YES1: variants seen among roughly 807,000 people sequenced by gnomAD.
The protein encoded by YES1 is YES proto-oncogene 1, Src family tyrosine kinase.
In YES1, 39 loss-of-function variants were observed where a neutral mutation model predicts 70.4. That is an observed-to-expected ratio of 0.55 (90% CI 0.43 to 0.72). The LOEUF (loss-of-function observed/expected upper bound fraction) is 0.72. Among genes scored for constraint, YES1 ranks in the 30% least tolerant of loss-of-function variants. The pLI is 0.00. For synonymous variants in YES1, 198 were observed against 218.6 expected (o/e 0.91, Z 0.83); for missense variants, 495 against 644.8 (o/e 0.77, Z 2.52).
intron 9 of YES1, chr18:738,548 G>C (rs749556561): frequency 6.6e-6 from 1 of 151,874 alleles, no homozygotes; most frequent in Admixed American, 6.6e-5. Flanking sequence ...AGATTGGCTG[G>C]GGGTGGTGGT....
Position 724,581 on chromosome 18 carries a change from G to T in YES1, c.1475C>A (p.Pro492Gln), listed in dbSNP as rs750831029. The change falls in exon 12 of 12, where the codon CCG (proline) becomes CAG (glutamine). Residue 492 changes from proline to glutamine, a missense_variant. By Grantham distance (76) the Pro-to-Gln change is moderately conservative. Transcript: ENST00000314574. ...GGATTCTGGACAGCCCTGAGGGCAC[G>T]GCATCCTGTATCCTCGCTCCACTTG... ...LEQVERGYRM[P>Q]CPQGCPESLH... 42 of 1,613,970 alleles carry T rather than the reference G, an allele frequency of 2.6e-5. No homozygotes were observed. The highest frequency in any genetic ancestry group is 3.5e-5 in the Non-Finnish European group (41 of 1,180,012).
intron 1 of YES1, among the ~76,000 whole-genome samples, chr18:772,502 G>A (rs541317054): frequency 1.3e-5 from 2 of 151,198 alleles, no homozygotes; most frequent in East Asian, 2.0e-4. Flanking sequence ...GTGCGATCTC[G>A]GCTCACTGCA....
intron 11 of YES1, among the ~76,000 whole-genome samples, chr18:731,082 A>T (rs2145673277): frequency 6.6e-6 from 1 of 152,306 alleles, no homozygotes; most frequent in Non-Finnish European, 1.5e-5. Context: ...TAGCATCAAG[A>T]AATTGCTAGG....
intron 1 of YES1, among the ~76,000 whole-genome samples, chr18:769,153 G>C (rs907876705): frequency 3.9e-5 from 6 of 152,168 alleles, no homozygotes; most frequent in African/African-American, 1.4e-4. Flanking sequence ...TACCATCTAG[G>C]TTTATGTAAG....
At chr18:778,907 AAAG>A (rs1300435873) in intron 1 of YES1, among the ~76,000 whole-genome samples, 1 of 152,222 alleles carries the variant, frequency 6.6e-6, no homozygotes, top group Non-Finnish European at 1.5e-5. Flanking sequence ...TCGAAGGAGA[AAAG>A]AAATGTTAGC....
intron 1 of YES1, among the ~76,000 whole-genome samples, chr18:772,896 G>A (rs994316397): frequency 6.6e-6 from 1 of 152,114 alleles, no homozygotes; most frequent in African/African-American, 2.4e-5. Flanking sequence ...GCCTGTTTCT[G>A]AGTTTGCATT....
At chr18:724,889 C>T (rs969955263) in intron 11 of YES1, among the ~76,000 whole-genome samples, 1 of 152,100 alleles carries the variant, frequency 6.6e-6, no homozygotes, top group Non-Finnish European at 1.5e-5. Context: ...AAGCCAACCC[C>T]ATTTGATTAA....
intron 1 of YES1, among the ~76,000 whole-genome samples, chr18:765,282 A>G (rs1387011795): frequency 7.8e-6 from 1 of 127,994 alleles, no homozygotes; most frequent in African/African-American, 3.0e-5. Context: ...ATATATATAT[A>G]TATATATATA....
In YES1 at chr18:756,623, T is replaced by C. The variant is rs200860807; in HGVS notation, c.205A>G (p.Thr69Ala). 1 of 1,614,060 alleles carries C rather than the reference T, an allele frequency of 6.2e-7. No individual in the cohort carries two copies. The highest frequency in any genetic ancestry group is 8.5e-7 in the Non-Finnish European group (1 of 1,180,042). Residue 69 changes from threonine to alanine, a missense_variant, in exon 2 of 12, where the codon ACG (threonine) becomes GCG (alanine). Physicochemically the swap from Thr to Ala is moderately conservative, Grantham distance 58. Coordinates refer to ENST00000314574, the MANE Select transcript of YES1 (RefSeq NM_005433.4). ...GAGGAAGATGCACCTCCAAAAGGCG[T>C]TACCCCTGAGGATCCTCCAAATGGT... is the stretch of plus-strand genomic sequence containing the variant. ...MTPFGGSSGV[T>A]PFGGASSSFS...
At chr18:775,925 G>A (rs1905357304) in intron 1 of YES1, among the ~76,000 whole-genome samples, 1 of 152,116 alleles carries the variant, frequency 6.6e-6, no homozygotes, top group African/African-American at 2.4e-5. Context: ...TCACTTCTGT[G>A]TAGCATTCTT....
chr18:775,527 T>A (rs1428816355), intron 1 of YES1, among the ~76,000 whole-genome samples: 2 of 152,202 alleles, frequency 1.3e-5, no homozygotes, highest in East Asian at 3.8e-4. Context: ...CCGGATGTAG[T>A]GGCTCACACC....
chr18:754,910 C>T (rs535319917), intron 2 of YES1, among the ~76,000 whole-genome samples: 2 of 152,216 alleles, frequency 1.3e-5, no homozygotes, highest in African/African-American at 4.8e-5. Flanking sequence ...AGAACAGAAA[C>T]TTTGTCTTGC....
rs116305806 is a variant in YES1, at chr18:806,252, C to T, written c.-9+5862G>A. Among the ~76,000 whole-genome samples, 389 of 152,184 alleles carry T rather than the reference C, an allele frequency of 2.6e-3. 1 individual carries two copies. Among genetic ancestry groups the T allele is most frequent in the African/African-American group, 8.9e-3 (371 of 41,492 alleles). On this transcript the variant is annotated intron_variant, in intron 1 of 11. Coordinates refer to ENST00000314574, the MANE Select transcript of YES1 (RefSeq NM_005433.4). Reference sequence around the variant, plus strand: ...GACTTTCTTCACTAAAATAGTACAACGTATTTATTTAAAATAAACCTTACT... The same window carrying T: ...GACTTTCTTCACTAAAATAGTACAATGTATTTATTTAAAATAAACCTTACT...
chr18:748,725 C>T (rs945819666), intron 3 of YES1, among the ~76,000 whole-genome samples: 1 of 152,050 alleles, frequency 6.6e-6, no homozygotes, highest in Non-Finnish European at 1.5e-5. Flanking sequence ...ATCAGTAGTT[C>T]ATTCTTTACT....
Position 724,075 on chromosome 18 carries a change from A to G in YES1, c.*349T>C, listed in dbSNP as rs974518909. 1.7e-5 allele frequency: 3 copies of G among 179,712 alleles called. No homozygotes were observed. The highest frequency in any genetic ancestry group is 7.1e-5 in the African/African-American group (3 of 42,374). The allele number at this position is 179,712 out of a possible 1,614,324, so 11.1% of individuals were successfully genotyped here. A position where few individuals can be genotyped will look rare whatever the true frequency, so the allele number is the denominator to read the frequency against. On this transcript the variant is annotated 3_prime_UTR_variant, in exon 12 of 12. Coordinates refer to ENST00000314574, the MANE Select transcript of YES1 (RefSeq NM_005433.4). ...TCTCAAGTTTTATCTGTAACAATAA[A>G]TAATTTTCTTTGAGCAATTCTGACT...
chr18:747,218 C>G (rs907646786), intron 4 of YES1, among the ~76,000 whole-genome samples: 4 of 152,224 alleles, frequency 2.6e-5, no homozygotes, highest in African/African-American at 9.6e-5. Context: ...GCCTGTGATC[C>G]TAGCACTTTG....
At chr18:812,705 T>A (rs1432899116), upstream of YES1, among the ~76,000 whole-genome samples, 7 of 152,118 alleles carry the variant, frequency 4.6e-5, no homozygotes, top group Non-Finnish European at 7.4e-5. Flanking sequence ...AATGGAGCGC[T>A]CCGATTCTGC....
chr18:739,617 A>G, intron 9 of YES1, 118 bp downstream of exon 9: 1 of 829,152 alleles, frequency 1.2e-6, no homozygotes, highest in Non-Finnish European at 1.8e-6. Context: ...TCTAAAAAAT[A>G]AAAAATAAAA....
chr18:780,636 C>A (rs1199783731), intron 1 of YES1, among the ~76,000 whole-genome samples: 2 of 152,170 alleles, frequency 1.3e-5, no homozygotes, highest in Non-Finnish European at 2.9e-5. Context: ...GACTAAGATA[C>A]CTTCCTGTGC....
Sources: gnomAD v4.1 joint callset for allele counts (sites outside exome capture counted in the v4.1 genomes callset) on GRCh38, gnomAD v4.1.1 for gene constraint, MANE v1.5 for transcripts, NCBI Gene and HGNC (gene_info 2026-07-23, HGNC 2026-07-21) for gene names.